The following FAM20C variants were observed in gnomAD, a reference collection of about 807,000 sequenced individuals.
FAM20C encodes the protein FAM20C golgi associated secretory pathway kinase, also known as extracellular serine/threonine protein kinase FAM20C.
A neutral mutation model predicts 51.5 loss-of-function variants in FAM20C; 40 were observed. The observed-to-expected ratio is 0.78, with a 90% CI of 0.60 to 1.01. FAM20C has a LOEUF of 1.01. FAM20C is among the 50% of genes least tolerant of loss of function. The pLI is 0.00. For missense variants in FAM20C, 861 were observed against 844.7 expected (o/e 1.02, Z -0.24); for synonymous variants, 406 against 380.6 (o/e 1.07, Z -0.78).
chr7:246,254 G>A (rs889927515), intron 3 of FAM20C, 161 bp from the exon 4 acceptor site: 15 of 641,256 alleles, frequency 2.3e-5, no homozygotes, highest in African/African-American at 5.5e-5. Flanking sequence ...AGGGCCCGTC[G>A]GCAGCTGGGT....
chr7:240,341 GATGTTGATAA>G (rs1787899807), intron 3 of FAM20C, among the ~76,000 whole-genome samples: 1 of 324 alleles, frequency 3.1e-3, no homozygotes, highest in African/African-American at 0.016. Context: ...TGATGATTAT[GATGTTGATAA>G]AGGATGATAA....
chr7:258,232 G>C (rs548881950), intron 8 of FAM20C, among the ~76,000 whole-genome samples: 3 of 89,386 alleles, frequency 3.4e-5, no homozygotes, highest in East Asian at 3.3e-4. Context: ...CTGGAGATGG[G>C]TGGGGTGGAC....
intron 6 of FAM20C, 188 bp from the exon 7 acceptor site, chr7:256,466 G>C (rs1788593655): frequency 1.6e-6 from 1 of 611,096 alleles, no homozygotes; most frequent in Non-Finnish European, 2.9e-6. Flanking sequence ...CCCCGAGGCA[G>C]GGCAGAGCGG....
At chr7:257,169 C>CG in intron 8 of FAM20C, 83 bp downstream of exon 8, 1 of 1,319,780 alleles carries the variant, frequency 7.6e-7, no homozygotes, top group Non-Finnish European at 1.0e-6. Flanking sequence ...ACCCTGGGGA[C>CG]GGGGGGAGCA....
chr7:226,913 C>T (rs954379918), intron 3 of FAM20C, among the ~76,000 whole-genome samples: 5 of 152,162 alleles, frequency 3.3e-5, no homozygotes, highest in Non-Finnish European at 5.9e-5. Flanking sequence ...TCAGAGAGTG[C>T]GGTTCTGGGC....
At chr7:254,727 G>T (rs1360609727) in intron 5 of FAM20C, among the ~76,000 whole-genome samples, 1 of 152,172 alleles carries the variant, frequency 6.6e-6, no homozygotes. Flanking sequence ...ACCCCAAAAA[G>T]GAGCCCCGTA....
At position 259,862 on chromosome 7, in the gene FAM20C, T is replaced by C. The variant is rs1788811381; in HGVS notation, c.1637T>C (p.Leu546Pro). The stretch of plus-strand genomic sequence containing the variant: ...CTGTACCAGCCGCACCTGGAGGCCC[T>C]GGACCGGCGGCTCCGCGTCGTGCTA... ...PVLYQPHLEA[L>P]DRRLRVVLKA... is the part of the protein sequence containing the mutation. The change falls in exon 10 of 10, where the codon CTG becomes CCG. Residue 546 changes from leucine to proline, a missense_variant. Coordinates refer to ENST00000313766, the MANE Select transcript of FAM20C (RefSeq NM_020223.4). The C allele has an allele frequency of 6.5e-7, 1 of 1,536,268 alleles. No homozygotes were observed. The highest frequency in any genetic ancestry group is 8.7e-7 in the Non-Finnish European group (1 of 1,146,786).
At chr7:210,086 G>A (rs576829484) in intron 3 of FAM20C, among the ~76,000 whole-genome samples, 1 of 152,344 alleles carries the variant, frequency 6.6e-6, no homozygotes, top group Non-Finnish European at 1.5e-5. Context: ...GCTCACACAG[G>A]GCCGGGGAGC....
chr7:256,935 A>G, intron 7 of FAM20C, 70 bp from the exon 8 acceptor site: 1 of 1,499,712 alleles, frequency 6.7e-7, no homozygotes, highest in South Asian at 1.2e-5. Flanking sequence ...CGCTCTGCAG[A>G]GCACAGAGGC....
chr7:216,582 T>A (rs1786974365), intron 3 of FAM20C, among the ~76,000 whole-genome samples: 1 of 151,882 alleles, frequency 6.6e-6, no homozygotes, highest in African/African-American at 2.4e-5. Flanking sequence ...CTGCCCTCCC[T>A]GCTCTTTCCA....
At chr7:213,857 C>T (rs1030369252) in intron 3 of FAM20C, among the ~76,000 whole-genome samples, 7 of 151,726 alleles carry the variant, frequency 4.6e-5, no homozygotes, top group South Asian at 4.2e-4. Context: ...ACGGCCGTCC[C>T]GGTGGGGGTG....
chr7:245,940 C>G (rs913667430), intron 3 of FAM20C: 1 of 153,758 alleles, frequency 6.5e-6, no homozygotes, highest in African/African-American at 2.4e-5. Flanking sequence ...GGGGGAGACT[C>G]GGAAACCAGA....
intron 3 of FAM20C, among the ~76,000 whole-genome samples, chr7:237,176 A>G (rs1787874079): frequency 1.3e-5 from 2 of 152,190 alleles, no homozygotes; most frequent in African/African-American, 4.8e-5. Context: ...CAGGTATGAA[A>G]TGCAGGGATC....
At chr7:242,543 AG>A (rs1157581486) in intron 3 of FAM20C, among the ~76,000 whole-genome samples, 1 of 150,180 alleles carries the variant, frequency 6.7e-6, no homozygotes, top group Non-Finnish European at 1.5e-5. Flanking sequence ...GAGCTGGGGG[AG>A]GGGGTGGACT....
chr7:258,226 AGATGGGTGGGGTGGACCCACTGCCTGAGG>A (rs1788704696), intron 8 of FAM20C, among the ~76,000 whole-genome samples: 1 of 137,912 alleles, frequency 7.3e-6, no homozygotes, highest in African/African-American at 3.1e-5. Flanking sequence ...GGGGTGCTGG[AGATGGGTGGGGTGGACCCACTGCCTGAGG>A]TGCTGGAGAT....
intron 3 of FAM20C, among the ~76,000 whole-genome samples, chr7:242,003 C>T (rs1013577933): frequency 6.6e-6 from 1 of 152,322 alleles, no homozygotes; most frequent in Admixed American, 6.5e-5. Context: ...AGGCCCAGCC[C>T]CATGCCAACG....
chr7:228,315 G>T (rs997869908), intron 3 of FAM20C: 16 of 378,314 alleles, frequency 4.2e-5, no homozygotes, highest in Non-Finnish European at 7.5e-5. Context: ...AAGAAGGCAG[G>T]TTCATTGGAA....
At chr7:236,137 C>T (rs935129933) in intron 3 of FAM20C, among the ~76,000 whole-genome samples, 2 of 151,910 alleles carry the variant, frequency 1.3e-5, no homozygotes, top group Non-Finnish European at 2.9e-5. Context: ...TTTCCAAAGC[C>T]TTTTTCCCGG....
Position 246,394 on chromosome 7 carries a change from G to A in FAM20C, c.864-21G>A, listed in dbSNP as rs923050555. 7 of 1,487,388 alleles carry A rather than the reference G, an allele frequency of 4.7e-6. No homozygotes were observed. In the African/African-American group the frequency reaches 9.9e-5, roughly 21 times the overall value. The allele number at this position is 1,487,388 out of a possible 1,614,324, so 92.1% of individuals were successfully genotyped here. A position where few individuals can be genotyped will look rare whatever the true frequency, so the allele number is the denominator to read the frequency against. ...GCTTTCTCAGTGACAAACCGTTTCTGTTTCTGTCTTGTTTTCTCAGACAAA... is the reference window on the plus strand; with the variant it reads ...GCTTTCTCAGTGACAAACCGTTTCTATTTCTGTCTTGTTTTCTCAGACAAA... On this transcript the variant is annotated intron_variant, in intron 3 of 9. Coordinates refer to ENST00000313766, the MANE Select transcript of FAM20C (RefSeq NM_020223.4).
Sources: allele counts gnomAD v4.1 joint callset (sites outside exome capture counted in the v4.1 genomes callset), GRCh38; gene constraint gnomAD v4.1.1; transcripts MANE v1.5; gene names NCBI Gene and HGNC (gene_info 2026-07-23, HGNC 2026-07-21).